CLEC17A: variants seen among roughly 807,000 people sequenced by gnomAD.
The protein encoded by CLEC17A is C-type lectin domain family 17, member A.
In CLEC17A, 37 loss-of-function variants were observed where a neutral mutation model predicts 61.3. The observed-to-expected ratio is 0.60, with a 90% CI of 0.46 to 0.79. The LOEUF (loss-of-function observed/expected upper bound fraction) is 0.79, where lower values mean the gene tolerates loss of function less well. Ranked by LOEUF, CLEC17A falls within the 30% of genes least tolerant of loss-of-function variation. CLEC17A has a pLI of 0.00. For synonymous variants in CLEC17A, 168 were observed against 164.9 expected (o/e 1.02, Z -0.14); for missense variants, 418 against 464.7 (o/e 0.90, Z 0.92).
intron 3 of CLEC17A, 129 bp downstream of exon 3, chr19:14,587,820 C>A (rs1309540300): frequency 1.1e-5 from 16 of 1,517,904 alleles, no homozygotes; most frequent in East Asian, 9.8e-5. Flanking sequence ...ACTGTGGAAC[C>A]CACACCCTGC....
upstream of CLEC17A, chr19:14,583,070 C>T: frequency 1.4e-6 from 2 of 1,428,872 alleles, no homozygotes; most frequent in Non-Finnish European, 2.0e-6. Context: ...GAAAAGGGAA[C>T]TGAGAGAGCC....
At chr19:14,593,901 G>T (rs1267326235) in intron 4 of CLEC17A, among the ~76,000 whole-genome samples, 1 of 152,048 alleles carries the variant, frequency 6.6e-6, no homozygotes, top group African/African-American at 2.4e-5. Context: ...GGCGGAGGTT[G>T]CAGTGAGCCA....
At chr19:14,597,251 T>C in intron 10 of CLEC17A, 90 bp downstream of exon 10, 1 of 1,188,608 alleles carries the variant, frequency 8.4e-7, no homozygotes, top group Non-Finnish European at 1.2e-6. Context: ...CTCATCCCCA[T>C]CTTTGCTGGG....
chr19:14,589,915 A>C (rs2074371007), intron 3 of CLEC17A, among the ~76,000 whole-genome samples: 1 of 127,882 alleles, frequency 7.8e-6, no homozygotes. Context: ...ATGGCAAGGA[A>C]CTGAGGCCTC....
At chr19:14,598,421 T>C (rs2074610873) in intron 10 of CLEC17A, among the ~76,000 whole-genome samples, 1 of 150,812 alleles carries the variant, frequency 6.6e-6, no homozygotes, top group Non-Finnish European at 1.5e-5. Context: ...CTTCCTTTCT[T>C]CTCTCCCTCT....
intron 4 of CLEC17A, among the ~76,000 whole-genome samples, chr19:14,592,693 T>G (rs575287929): frequency 1.5e-4 from 23 of 151,916 alleles, no homozygotes; most frequent in African/African-American, 5.3e-4. Context: ...TGAGATGGAA[T>G]TTCACTCTGT....
intron 2 of CLEC17A, among the ~76,000 whole-genome samples, chr19:14,585,568 A>G (rs1265349339): frequency 6.6e-6 from 1 of 151,374 alleles, no homozygotes; most frequent in East Asian, 1.9e-4. Context: ...GCTAGATCAT[A>G]GGAGCATGGT....
chr19:14,599,863 G>A lies in CLEC17A; in HGVS notation c.742+51G>A, dbSNP rs573146517. The A allele has an allele frequency of 2.3e-5, 36 of 1,538,574 alleles. No individual in the cohort carries two copies. The South Asian group carries it at 3.2e-4, about 14-fold the overall frequency. ...AGGGATGGGGGGCATGGCAGAGCTG[G>A]CACATTACATCACTCCATTGAAGTC... is the stretch of plus-strand genomic sequence containing the variant. On this transcript the variant is annotated intron_variant, in intron 11 of 13. Transcript: ENST00000417570.
chr19:14,610,218 G>A lies in CLEC17A; in HGVS notation c.*22G>A, dbSNP rs1374530916. ...TTGAAGCCCAGGGCCGAGGCTGGGG[G>A]TCCATATCTGAGTGTCTCTTTGAGA... On this transcript the variant is annotated 3_prime_UTR_variant, in exon 14 of 14. Transcript: ENST00000417570. 3 of 1,549,364 alleles carry A rather than the reference G, an allele frequency of 1.9e-6. No homozygotes were observed. Among genetic ancestry groups the A allele is most frequent in the Non-Finnish European group, 2.6e-6 (3 of 1,147,906 alleles).
At position 14,591,221 on chromosome 19, in the gene CLEC17A, C is replaced by T. The variant is rs571719654; in HGVS notation, c.200-1060C>T. ...CCAGGCTGGAGTGCAGTGGCGCGAT[C>T]TCGGCTCACTGCAAGCTCCGCCTCC... On this transcript the variant is annotated intron_variant, in intron 3 of 13. Transcript: ENST00000417570. Among the ~76,000 whole-genome samples, 7 of 151,212 alleles carry T rather than the reference C, an allele frequency of 4.6e-5. 1 individual carries two copies. In the East Asian group the frequency reaches 9.7e-4, roughly 21 times the overall value.
Position 14,583,568 on chromosome 19 carries a change from C to A in CLEC17A, c.121+134C>A, listed in dbSNP as rs912322466. 57 of 1,519,028 alleles carry A rather than the reference C, an allele frequency of 3.8e-5. 1 individual carries two copies. In the African/African-American group the frequency reaches 5.4e-4, roughly 14 times the overall value. The allele number at this position is 1,519,028 out of a possible 1,614,324, so 94.1% of individuals were successfully genotyped here. On this transcript the variant is annotated intron_variant, in intron 2 of 13. Transcript: ENST00000417570. ...CATGCCGGGCACTGTGGAACCCACA[C>A]CCTGCCCAGGACGACCTGTCAGTCT...
At chr19:14,599,595 C>A in intron 10 of CLEC17A, 122 bp from the exon 11 acceptor site, 1 of 754,920 alleles carries the variant, frequency 1.3e-6, no homozygotes, top group Admixed American at 2.0e-5. Context: ...GCGTGACCCA[C>A]TGGAATGTGG....
At chr19:14,597,270 T>C in intron 10 of CLEC17A, 109 bp downstream of exon 10, 1 of 981,228 alleles carries the variant, frequency 1.0e-6, no homozygotes, top group Admixed American at 2.0e-5. Context: ...GGCACTGTGC[T>C]AGGTACCAGG....
chr19:14,593,333 C>CAAAAA (rs57379897), intron 4 of CLEC17A, among the ~76,000 whole-genome samples: 2 of 85,794 alleles, frequency 2.3e-5, no homozygotes, highest in African/African-American at 4.6e-5. Context: ...CCATCTCTAC[C>CAAAAA]AAAAAAAAAA....
Position 14,611,371 on chromosome 19 carries a change from CTTTTTTTTTTTTTT to C in CLEC17A, c.*1186_*1199del, listed in dbSNP as rs71166767. On this transcript the variant is annotated 3_prime_UTR_variant, in exon 14 of 14. Coordinates refer to ENST00000417570, the MANE Select transcript of CLEC17A (RefSeq NM_001204118.2). The stretch of plus-strand genomic sequence containing the variant: ...AGACTTGGCCCGTGGAACTTCTATC[CTTTTTTTTTTTTTT>C]TTTTTTTTTTGAGATAGGGTTTCAT... Among the ~76,000 whole-genome samples the C allele has an allele frequency of 1.3e-5, 1 of 75,972 alleles. No individual in the cohort carries two copies. The highest frequency in any genetic ancestry group is 4.9e-5 in the African/African-American group (1 of 20,556). The allele number at this position is 75,972 out of a possible 152,430, so 49.8% of individuals were successfully genotyped here. A position where few individuals can be genotyped will look rare whatever the true frequency, so the allele number is the denominator to read the frequency against.
chr19:14,593,146 C>T (rs2074460868), intron 4 of CLEC17A, among the ~76,000 whole-genome samples: 1 of 151,942 alleles, frequency 6.6e-6, no homozygotes, highest in African/African-American at 2.4e-5. Flanking sequence ...CAAGGCATAG[C>T]CCAGGGTTCA....
At chr19:14,593,980 CA>C (rs1274847026) in intron 4 of CLEC17A, among the ~76,000 whole-genome samples, 9 of 138,718 alleles carry the variant, frequency 6.5e-5, no homozygotes, top group African/African-American at 2.9e-4. Context: ...AACAAACAAA[CA>C]AACAAACAAA....
intron 7 of CLEC17A, among the ~76,000 whole-genome samples, 171 bp from the exon 8 acceptor site, chr19:14,595,103 C>A (rs1254034443): frequency 6.6e-6 from 1 of 152,212 alleles, no homozygotes; most frequent in Non-Finnish European, 1.5e-5. Context: ...AACTCCTGAC[C>A]TCAGGTGATC....
At chr19:14,607,490 A>T (rs1038213621) in intron 13 of CLEC17A, among the ~76,000 whole-genome samples, 1 of 151,682 alleles carries the variant, frequency 6.6e-6, no homozygotes, top group Non-Finnish European at 1.5e-5. Flanking sequence ...GGCGTGAGCC[A>T]CCGCGCCCGG....
Sources: allele counts gnomAD v4.1 joint callset (sites outside exome capture counted in the v4.1 genomes callset), GRCh38; gene constraint gnomAD v4.1.1; transcripts MANE v1.5; gene names NCBI Gene and HGNC (gene_info 2026-07-23, HGNC 2026-07-21).